GSAP: variants seen among roughly 807,000 people sequenced by gnomAD.
GSAP encodes the protein gamma-secretase activating protein.
A neutral mutation model predicts 131.7 loss-of-function variants in GSAP; 118 were observed. The observed-to-expected ratio is 0.90, with a 90% CI of 0.77 to 1.04. GSAP has a LOEUF of 1.04. Ranked by LOEUF, GSAP falls within the 50% of genes least tolerant of loss-of-function variation. The probability of loss-of-function intolerance (pLI) is 0.00; values close to 1 mark genes in which losing one functional copy is unlikely to be tolerated. For missense variants in GSAP, 1,019 were observed against 1,013.2 expected (o/e 1.01, Z -0.08); for synonymous variants, 381 against 363.4 (o/e 1.05, Z -0.55).
rs770621970 is a variant in GSAP at position 77,375,097 on chromosome 7, T to C, written c.746A>G (p.Glu249Gly). 2.6e-6 allele frequency: 4 copies of C among 1,557,048 alleles called. No individual in the cohort carries two copies. The highest frequency in any genetic ancestry group is 3.5e-6 in the Non-Finnish European group (4 of 1,135,484). ...YADESYNLMF[E>G]VPLDISLSNS... is the part of the protein sequence containing the mutation. ...GCTTAATGATATGTCCAAGGGTACT[T>C]CAAACTGTCAAAAAAATCAAAGAAA... Residue 249 changes from glutamate (E) to glycine (G), a missense_variant, in exon 11 of 31, where the codon GAA becomes GGA. Coordinates refer to ENST00000257626, the MANE Select transcript of GSAP (RefSeq NM_017439.4).
chr7:77,413,007 A>C (rs974566501), intron 1 of GSAP, among the ~76,000 whole-genome samples: 4 of 152,156 alleles, frequency 2.6e-5, no homozygotes, highest in African/African-American at 9.7e-5. Flanking sequence ...GGTGGTTAGT[A>C]AGAGTACTGA....
At chr7:77,365,445 A>C (rs7790802) in intron 12 of GSAP, among the ~76,000 whole-genome samples, 1 of 152,068 alleles carries the variant, frequency 6.6e-6, no homozygotes, top group East Asian at 1.9e-4. Flanking sequence ...AGGAGTTCTC[A>C]TCATTTAGCT....
chr7:77,345,913 TAAG>T (rs1405351567), intron 19 of GSAP, among the ~76,000 whole-genome samples: 3 of 152,074 alleles, frequency 2.0e-5, no homozygotes, highest in Admixed American at 1.3e-4. Flanking sequence ...TATCACAAAA[TAAG>T]AATCAAATGC....
chr7:77,350,572 T>A (rs1285422925), intron 18 of GSAP, among the ~76,000 whole-genome samples: 7 of 121,238 alleles, frequency 5.8e-5, no homozygotes, highest in East Asian at 2.3e-4. Context: ...CCCGCTCTAC[T>A]AAAAAAAAAA....
chr7:77,351,273 T>G, intron 18 of GSAP: 1 of 952,304 alleles, frequency 1.1e-6, no homozygotes, highest in Non-Finnish European at 1.2e-6. Context: ...AATAGCATTT[T>G]AAAAGAGGTA....
At chr7:77,314,545 CG>C (rs1306068732) in intron 26 of GSAP, 56 bp from the exon 27 acceptor site, 10 of 1,602,556 alleles carry the variant, frequency 6.2e-6, no homozygotes, top group Non-Finnish European at 6.8e-6. Context: ...CAGCAGCCCC[CG>C]GGGAATGGAT....
chr7:77,387,154 A>G (rs1798694069), intron 6 of GSAP, among the ~76,000 whole-genome samples: 1 of 152,246 alleles, frequency 6.6e-6, no homozygotes, highest in Non-Finnish European at 1.5e-5. Flanking sequence ...TACATTACTA[A>G]GAAACAAACA....
intron 19 of GSAP, among the ~76,000 whole-genome samples, chr7:77,334,782 T>C (rs1489623680): frequency 6.6e-6 from 1 of 151,780 alleles, no homozygotes; most frequent in African/African-American, 2.4e-5. Context: ...AACACAAAAA[T>C]GCTGTATAAG....
At chr7:77,323,791 C>G (rs776011891) in intron 23 of GSAP, 49 bp from the exon 24 acceptor site, 1 of 801,782 alleles carries the variant, frequency 1.2e-6, no homozygotes, top group Non-Finnish European at 2.1e-6. Context: ...CCACTCATAC[C>G]TGCAACTGGT....
At chr7:77,350,572 TA>T (rs368824065) in intron 18 of GSAP, among the ~76,000 whole-genome samples, 21,399 of 121,126 alleles carry the variant, frequency 0.18, 2,613 homozygotes, top group East Asian at 0.41. Flanking sequence ...CCCGCTCTAC[TA>T]AAAAAAAAAA....
chr7:77,365,512 C>T (rs1795159850), intron 12 of GSAP, among the ~76,000 whole-genome samples: 1 of 152,086 alleles, frequency 6.6e-6, no homozygotes, highest in African/African-American at 2.4e-5. Context: ...CGTTAGTTTG[C>T]TAAGGATAAT....
chr7:77,320,869 T>C (rs1562894595), intron 25 of GSAP, 50 bp from the exon 26 acceptor site: 1 of 1,109,248 alleles, frequency 9.0e-7, no homozygotes, highest in East Asian at 2.4e-5. Context: ...TCATCTGTGA[T>C]GCTCCATTTG....
At chr7:77,355,757 C>A in intron 14 of GSAP, 110 bp from the exon 15 acceptor site, 1 of 621,692 alleles carries the variant, frequency 1.6e-6, no homozygotes, top group Non-Finnish European at 2.9e-6. Context: ...AAAAGTTTTA[C>A]CAATGTAATA....
chr7:77,395,399 C>T (rs74655215), intron 5 of GSAP, among the ~76,000 whole-genome samples: 1 of 152,194 alleles, frequency 6.6e-6, no homozygotes, highest in East Asian at 1.9e-4. Context: ...GGGGTTTTGC[C>T]CATACCCTTG....
chr7:77,346,270 CAAAAAA>C (rs1223497863), intron 19 of GSAP, among the ~76,000 whole-genome samples: 3 of 40,884 alleles, frequency 7.3e-5, no homozygotes, highest in Admixed American at 5.6e-4. Context: ...GACTCCATCT[CAAAAAA>C]AAAAAAAAAA....
intron 24 of GSAP, 129 bp from the exon 25 acceptor site, chr7:77,321,532 T>C (rs1256805328): frequency 4.5e-6 from 3 of 660,770 alleles, no homozygotes; most frequent in Non-Finnish European, 8.3e-6. Flanking sequence ...GACACACAAC[T>C]AGCCTTTCTG....
intron 19 of GSAP, among the ~76,000 whole-genome samples, chr7:77,349,063 G>A (rs769152061): frequency 3.3e-5 from 5 of 152,316 alleles, no homozygotes; most frequent in Admixed American, 1.3e-4. Flanking sequence ...AGTACAGCCT[G>A]TTCTGAGGTA....
At chr7:77,331,457 T>C (rs1014483695) in intron 19 of GSAP, among the ~76,000 whole-genome samples, 5 of 152,178 alleles carry the variant, frequency 3.3e-5, no homozygotes, top group African/African-American at 1.2e-4. Context: ...TGTGTGGTCA[T>C]AAAACTAAGT....
intron 12 of GSAP, among the ~76,000 whole-genome samples, chr7:77,369,002 T>G (rs1359313064): frequency 6.6e-6 from 1 of 152,202 alleles, no homozygotes; most frequent in Non-Finnish European, 1.5e-5. Flanking sequence ...ATTTGGACAA[T>G]GAAAACTACT....
Sources: gnomAD v4.1 joint callset for allele counts (sites outside exome capture counted in the v4.1 genomes callset) on GRCh38, gnomAD v4.1.1 for gene constraint, MANE v1.5 for transcripts, NCBI Gene and HGNC (gene_info 2026-07-23, HGNC 2026-07-21) for gene names.